Variants in NRK observed in about 807,000 individuals in gnomAD.
NRK encodes the protein nik-related protein kinase.
A neutral mutation model predicts 125.2 loss-of-function variants in NRK; 67 were observed. That is an observed-to-expected ratio of 0.54 (90% CI 0.44 to 0.66). NRK has a LOEUF of 0.66. NRK is among the 30% of genes least tolerant of loss of function. The pLI is 0.00. For synonymous variants in NRK, 458 were observed against 429.0 expected (o/e 1.07, Z -0.84); for missense variants, 1,224 against 1,192.9 (o/e 1.03, Z -0.38).
At chrX:105,898,793 A>G (rs957534625) in intron 8 of NRK, 79 bp downstream of exon 8, 3 of 852,695 alleles carry the variant, frequency 3.5e-6, no homozygotes, top group Admixed American at 4.5e-5. Flanking sequence ...ATGATAAAAC[A>G]AAAAATAAAA....
chrX:105,954,704 AG>A (rs2040950844), intron 28 of NRK, among the ~76,000 whole-genome samples: 1 of 110,995 alleles, frequency 9.0e-6, no homozygotes, highest in African/African-American at 3.3e-5. Flanking sequence ...GGATGTCAAA[AG>A]CCTTAGTCCT....
chrX:105,883,652 C>T (rs1242051439), intron 4 of NRK, among the ~76,000 whole-genome samples: 3 of 112,177 alleles, frequency 2.7e-5, no homozygotes, highest in South Asian at 7.4e-4. Context: ...CATAAGCTTT[C>T]TAACTCAAAA....
chrX:105,857,618 G>A (rs1388901455), intron 2 of NRK, among the ~76,000 whole-genome samples: 1 of 109,877 alleles, frequency 9.1e-6, no homozygotes, highest in African/African-American at 3.3e-5. Context: ...TTTTTTTGCA[G>A]TCAGATCTTG....
intron 19 of NRK, among the ~76,000 whole-genome samples, chrX:105,925,444 T>A (rs1300129740): frequency 9.0e-6 from 1 of 111,485 alleles, no homozygotes; most frequent in Non-Finnish European, 1.9e-5. Context: ...ATTTTTTTTG[T>A]GTGTTGGGAA....
chrX:105,895,401 T>C, intron 6 of NRK, 32 bp from the exon 7 acceptor site: 1 of 989,005 alleles, frequency 1.0e-6, no homozygotes, highest in Middle Eastern at 2.6e-4. Flanking sequence ...AAGAAATATA[T>C]ACTGATGTGG....
At chrX:105,938,900 T>C (rs2040699094) in intron 22 of NRK, among the ~76,000 whole-genome samples, 1 of 111,277 alleles carries the variant, frequency 9.0e-6, no homozygotes, top group South Asian at 3.8e-4. Context: ...AGCAAACATG[T>C]CCTTCTTCAC....
chrX:105,887,178 G>C (rs765572232), intron 4 of NRK, among the ~76,000 whole-genome samples: 2 of 112,360 alleles, frequency 1.8e-5, no homozygotes, highest in East Asian at 5.6e-4. Context: ...TTATTTGCAA[G>C]TTGTCTATCT....
intron 2 of NRK, among the ~76,000 whole-genome samples, chrX:105,869,836 C>T (rs987287807): frequency 8.9e-6 from 1 of 112,369 alleles, no homozygotes; most frequent in Non-Finnish European, 1.9e-5. Flanking sequence ...AACACTGCAG[C>T]TTACATCTGT....
At chrX:105,877,435 C>A (rs1056706102) in intron 2 of NRK, among the ~76,000 whole-genome samples, 24 of 111,381 alleles carry the variant, frequency 2.2e-4, no homozygotes, top group African/African-American at 7.2e-4. Context: ...ATATTAATTT[C>A]TTCATTTTGA....
In NRK at chrX:105,945,986, G is replaced by T; in HGVS notation, c.4174G>T (p.Asp1392Tyr). ...ADPVNRFKRP[D>Y]ELLHLLKLKV... ...TCCAGTGAACCGGTTTAAGAGACCAGATGAGCTCCTTCATTTGCTGAAGCT... is the reference window on the plus strand; with the variant it reads ...TCCAGTGAACCGGTTTAAGAGACCATATGAGCTCCTTCATTTGCTGAAGCT... The change falls in exon 25 of 29, where the codon GAT (aspartate) becomes TAT (tyrosine). Residue 1392 changes from aspartate to tyrosine, a missense_variant. By Grantham distance (160) the Asp-to-Tyr change is radical. Transcript: ENST00000243300. 8.3e-7 allele frequency: 1 copy of T among 1,210,464 alleles called. No individual in the cohort carries two copies. Among genetic ancestry groups the T allele is most frequent in the Non-Finnish European group, 1.1e-6 (1 of 894,685 alleles).
chrX:105,924,614 TCC>T (rs1312910502), intron 18 of NRK, 79 bp from the exon 19 acceptor site: 3 of 794,752 alleles, frequency 3.8e-6, no homozygotes, highest in Non-Finnish European at 5.5e-6. Context: ...ATAAGACACA[TCC>T]TAATTCTGTT....
Position 105,863,357 on chromosome X carries a change from C to CACACACACACACACAT in NRK, c.124-16841_124-16840insCACACACACACACATA, listed in dbSNP as rs372176349. 1.9e-3 allele frequency among the ~76,000 whole-genome samples: 201 copies of CACACACACACACACAT among 106,515 alleles called. 2 individuals are homozygous for CACACACACACACACAT. Among genetic ancestry groups the CACACACACACACACAT allele is most frequent in the African/African-American group, 6.4e-3 (186 of 28,940 alleles). The allele number at this position is 106,515 out of a possible 115,157, so 92.5% of individuals were successfully genotyped here. A position where few individuals can be genotyped will look rare whatever the true frequency, so the allele number is the denominator to read the frequency against. On this transcript the variant is annotated intron_variant, in intron 2 of 28. Coordinates refer to ENST00000243300, the MANE Select transcript of NRK (RefSeq NM_198465.4). Reference sequence around the variant, plus strand: ...ACACACACACACACACACACACACACATACTATTTTAAAGTCTCTGTGAAA... The same window carrying CACACACACACACACAT: ...ACACACACACACACACACACACACACACACACACACACACATATACTATTTTAAAGTCTCTGTGAAA...
At chrX:105,859,702 C>T (rs1266320912) in intron 2 of NRK, among the ~76,000 whole-genome samples, 2 of 111,757 alleles carry the variant, frequency 1.8e-5, no homozygotes, top group Non-Finnish European at 3.8e-5. Flanking sequence ...TCACAGCTAT[C>T]CCCAGTGAGA....
In NRK at chrX:105,917,644, A is replaced by G; in HGVS notation, c.2484A>G (p.Gln828=). 8.6e-7 allele frequency: 1 copy of G among 1,158,344 alleles called. No homozygotes were observed. Among genetic ancestry groups the G allele is most frequent in the Non-Finnish European group, 1.2e-6 (1 of 864,105 alleles). The change falls in exon 16 of 29, where the codon CAA becomes CAG. Residue 828 remains glutamine, a synonymous_variant. Transcript: ENST00000243300. ...KPIDIRQRSS[Q]NRQNWLAASE... ...TTGACATCAGACAAAGGAGTTCGCA[A>G]AATCGTCAAAATTGGCTGGCAGCAT...
chrX:105,937,489 A>G lies in NRK; in HGVS notation c.3706A>G (p.Ser1236Gly). 8.4e-7 allele frequency: 1 copy of G among 1,192,660 alleles called. No individual in the cohort carries two copies. The highest frequency in any genetic ancestry group is 2.2e-5 in the Admixed American group (1 of 45,604). Residue 1236 changes from serine to glycine, a missense_variant, in exon 22 of 29, where the codon AGT becomes GGT. Transcript: ENST00000243300. ...TRSNLYLMDR[S>G]GKADITKLIR... ...ATCTAATCTATATCTGATGGACAGA[A>G]GTGGAAAGGCTGACATTACTAAACT...
chrX:105,826,291 T>TTC (rs769853720), intron 1 of NRK, among the ~76,000 whole-genome samples: 29 of 83,922 alleles, frequency 3.5e-4, no homozygotes, highest in South Asian at 2.0e-3. Context: ...AAATATATAT[T>TTC]ATCATATATA....
At chrX:105,880,291 G>C in intron 3 of NRK, 36 bp downstream of exon 3, 1 of 644,632 alleles carries the variant, frequency 1.6e-6, no homozygotes, top group Non-Finnish European at 2.3e-6. Flanking sequence ...TCTTCCCTTA[G>C]TGGACTGTGT....
chrX:105,904,736 C>A (rs913126773), intron 9 of NRK, among the ~76,000 whole-genome samples: 4 of 111,127 alleles, frequency 3.6e-5, no homozygotes, highest in Admixed American at 2.9e-4. Context: ...CGCAGATGAT[C>A]TTACTCTAGG....
rs755000119 is a variant in NRK, at chrX:105,934,218, C to T, written c.3313-40C>T. The T allele has an allele frequency of 6.3e-6, 6 of 951,120 alleles. No homozygotes were observed. The South Asian group carries it at 1.3e-4, about 21-fold the overall frequency. The allele number at this position is 951,120 out of a possible 1,213,427, so 78.4% of individuals were successfully genotyped here. On this transcript the variant is annotated intron_variant, in intron 19 of 28. Coordinates refer to ENST00000243300, the MANE Select transcript of NRK (RefSeq NM_198465.4). ...TAGGCATATTTCTCCCACTGTTAAC[C>T]TACTAATGAAATAAAAATTGGTTTT...
Sources: gnomAD v4.1 joint callset for allele counts (sites outside exome capture counted in the v4.1 genomes callset) on GRCh38, gnomAD v4.1.1 for gene constraint, MANE v1.5 for transcripts, NCBI Gene and HGNC (gene_info 2026-07-23, HGNC 2026-07-21) for gene names.